Variants in GPR158 observed in about 807,000 individuals in gnomAD.
The protein encoded by GPR158 is metabotropic glycine receptor.
In GPR158, 30 loss-of-function variants were observed where a neutral mutation model predicts 78.2. The ratio of observed to expected loss-of-function variants is 0.38; its 90% CI spans 0.29 to 0.52. GPR158 has a LOEUF of 0.52. GPR158 is among the 20% of genes least tolerant of loss of function. The pLI is 0.83. For synonymous variants in GPR158, 581 were observed against 591.1 expected, an observed-to-expected ratio of 0.98 and a Z score of 0.25; for missense variants, 1,463 against 1,523.5, an observed-to-expected ratio of 0.96 and a Z score of 0.66.
intron 6 of GPR158, among the ~76,000 whole-genome samples, chr10:25,551,350 A>G (rs1310850027): frequency 5.3e-5 from 8 of 152,228 alleles, no homozygotes; most frequent in Non-Finnish European, 8.8e-5. Context: ...AGTTTAAAAT[A>G]TGAAACAGTA....
rs1835792964 is a variant in GPR158 at position 25,490,545 on chromosome 10, T to C, written c.1404+23826T>C. 2.0e-5 allele frequency among the ~76,000 whole-genome samples: 3 copies of C among 146,468 alleles called. No individual in the cohort carries two copies. The South Asian group carries it at 6.8e-4, about 33-fold the overall frequency. On this transcript the variant is annotated intron_variant, in intron 5 of 10. Coordinates refer to ENST00000376351, the MANE Select transcript of GPR158 (RefSeq NM_020752.3). ...CCTATGAGTGAGAATATGCGGTGTT[T>C]GGTTTTTTGTTCTTGCGATAGGTTA...
At chr10:25,399,085 G>A (rs1209927129) in intron 3 of GPR158, among the ~76,000 whole-genome samples, 2 of 152,170 alleles carry the variant, frequency 1.3e-5, no homozygotes, top group Non-Finnish European at 2.9e-5. Flanking sequence ...TGGCTAGAGA[G>A]GCTTCAGGAA....
chr10:25,359,493 G>T (rs926969640), intron 2 of GPR158, among the ~76,000 whole-genome samples: 2 of 152,046 alleles, frequency 1.3e-5, no homozygotes, highest in East Asian at 3.9e-4. Context: ...CCACTTACGA[G>T]TGAGAATATG....
intron 2 of GPR158, among the ~76,000 whole-genome samples, chr10:25,379,746 G>T (rs147812311): frequency 7.4e-6 from 1 of 136,020 alleles, no homozygotes; most frequent in East Asian, 2.3e-4. Context: ...TTCTTCTCAT[G>T]CCTGTGAGAG....
intron 5 of GPR158, among the ~76,000 whole-genome samples, chr10:25,481,295 G>A (rs1040761603): frequency 6.6e-6 from 1 of 152,152 alleles, no homozygotes; most frequent in Non-Finnish European, 1.5e-5. Flanking sequence ...GTGTCATGGT[G>A]TGGCCGCTGC....
intron 5 of GPR158, among the ~76,000 whole-genome samples, chr10:25,486,216 C>T (rs1835733002): frequency 6.6e-6 from 1 of 152,118 alleles, no homozygotes; most frequent in Admixed American, 6.6e-5. Flanking sequence ...AGATGACATC[C>T]TAATTCAAAC....
chr10:25,296,234 A>G (rs1046020036), intron 2 of GPR158, among the ~76,000 whole-genome samples: 2 of 151,994 alleles, frequency 1.3e-5, no homozygotes, highest in Non-Finnish European at 2.9e-5. Context: ...GATAGTGATA[A>G]TGGGACACAG....
At chr10:25,236,379 G>T (rs528022446) in intron 2 of GPR158, among the ~76,000 whole-genome samples, 1 of 152,148 alleles carries the variant, frequency 6.6e-6, no homozygotes, top group South Asian at 2.1e-4. Flanking sequence ...GTGGTGGTGG[G>T]TGCCTGTAGT....
At chr10:25,280,685 A>G (rs886512622) in intron 2 of GPR158, among the ~76,000 whole-genome samples, 3 of 152,038 alleles carry the variant, frequency 2.0e-5, no homozygotes, top group African/African-American at 7.3e-5. Context: ...CCATGAAGCC[A>G]TAAATCACAT....
intron 2 of GPR158, among the ~76,000 whole-genome samples, chr10:25,341,909 C>G (rs953214355): frequency 2.6e-5 from 4 of 151,810 alleles, no homozygotes; most frequent in African/African-American, 4.8e-5. Flanking sequence ...CTTTCTGGTC[C>G]CACCTCACCA....
intron 6 of GPR158, among the ~76,000 whole-genome samples, chr10:25,571,123 T>C (rs1837000817): frequency 6.8e-6 from 1 of 147,512 alleles, no homozygotes; most frequent in Non-Finnish European, 1.5e-5. Context: ...GTGTTAGCGT[T>C]CACTATGACA....
intron 1 of GPR158, 128 bp from the exon 2 acceptor site, chr10:25,220,924 A>G: frequency 3.3e-6 from 2 of 611,924 alleles, no homozygotes; most frequent in Non-Finnish European, 5.7e-6. Flanking sequence ...ACTTTGGTTG[A>G]ATATGAGTAG....
chr10:25,422,700 G>A (rs1834767238), intron 4 of GPR158, among the ~76,000 whole-genome samples: 1 of 149,806 alleles, frequency 6.7e-6, no homozygotes, highest in African/African-American at 2.5e-5. Context: ...AGAATTTCTT[G>A]TGTTATTATT....
intron 5 of GPR158, among the ~76,000 whole-genome samples, chr10:25,484,889 G>T (rs1369193531): frequency 6.6e-6 from 1 of 152,092 alleles, no homozygotes; most frequent in African/African-American, 2.4e-5. Context: ...TAATTAAAAG[G>T]CTAACAATCT....
In GPR158 at chr10:25,268,888, A is replaced by C. The variant is rs1854078957; in HGVS notation, c.1008+47731A>C. On this transcript the variant is annotated intron_variant, in intron 2 of 10. Transcript: ENST00000376351. ...GTGTTAGGAGCATCCTAAGTATTTC[A>C]TGGTGTTGCTTATATCCTTTTGTTA... Among the ~76,000 whole-genome samples, 3 of 152,190 alleles carry C rather than the reference A, an allele frequency of 2.0e-5. No homozygotes were observed. The South Asian group carries it at 6.2e-4, about 31-fold the overall frequency.
intron 2 of GPR158, among the ~76,000 whole-genome samples, chr10:25,314,719 T>C (rs955524094): frequency 6.6e-5 from 10 of 150,696 alleles, no homozygotes; most frequent in Non-Finnish European, 1.5e-5. Flanking sequence ...ACAAACGTGT[T>C]TAAGACTATA....
intron 2 of GPR158, among the ~76,000 whole-genome samples, chr10:25,282,928 C>T (rs114384658): frequency 0.013 from 1,987 of 152,034 alleles, 31 homozygotes; most frequent in South Asian, 0.057. Context: ...TTGTTACAGA[C>T]TTTTGTGTCT....
intron 2 of GPR158, among the ~76,000 whole-genome samples, chr10:25,273,497 G>A (rs534434480): frequency 1.5e-4 from 22 of 146,524 alleles, no homozygotes; most frequent in East Asian, 4.0e-4. Context: ...TACTTTAAAC[G>A]TATTTTTCAG....
intron 2 of GPR158, among the ~76,000 whole-genome samples, chr10:25,337,680 G>A (rs1461413049): frequency 6.6e-6 from 1 of 151,894 alleles, no homozygotes; most frequent in Non-Finnish European, 1.5e-5. Flanking sequence ...GAGTCATAGG[G>A]TGGGCAAATA....
Sources: allele counts gnomAD v4.1 joint callset (sites outside exome capture counted in the v4.1 genomes callset), GRCh38; gene constraint gnomAD v4.1.1; transcripts MANE v1.5; gene names NCBI Gene and HGNC (gene_info 2026-07-23, HGNC 2026-07-21).